HTR3E: variants seen among roughly 807,000 people sequenced by gnomAD.
HTR3E encodes the protein 5-hydroxytryptamine (serotonin) receptor 3, family member E.
A neutral mutation model predicts 38.0 loss-of-function variants in HTR3E; 38 were observed. The observed-to-expected ratio is 1.00, with a 90% confidence interval of 0.77 to 1.31. The LOEUF (loss-of-function observed/expected upper bound fraction) is 1.31. Among genes scored for constraint, HTR3E ranks in the 50% most tolerant of loss-of-function variants. The pLI is 0.00. For synonymous variants in HTR3E, 210 were observed against 232.9 expected (o/e 0.90, Z 0.89); for missense variants, 547 against 585.2 (o/e 0.93, Z 0.67).
At chr3:184,098,728 A>T (rs1414943003) in intron 1 of HTR3E, among the ~76,000 whole-genome samples, 3 of 152,196 alleles carry the variant, frequency 2.0e-5, no homozygotes, top group African/African-American at 7.2e-5. Flanking sequence ...TGACTAGAAA[A>T]TTTAAAAATT....
chr3:184,104,981 A>G, intron 5 of HTR3E, 25 bp downstream of exon 5: 2 of 1,589,872 alleles, frequency 1.3e-6, no homozygotes, highest in South Asian at 1.1e-5. Context: ...GGTCTCAGGG[A>G]TGGGGTGAAT....
chr3:184,106,792 A>G lies in HTR3E; in HGVS notation c.*99A>G. The G allele has an allele frequency of 8.5e-7, 1 of 1,171,136 alleles. No homozygotes were observed. The highest frequency in any genetic ancestry group is 1.2e-6 in the Non-Finnish European group (1 of 807,658). 72.5% of individuals were successfully genotyped at this position (1,171,136 alleles called of 1,614,324 possible). On this transcript the variant is annotated 3_prime_UTR_variant, in exon 9 of 9. Transcript: ENST00000415389. The surrounding 1 kb of genome is among the most constrained non-coding windows in gnomAD (Gnocchi z 4.1). ...CTGAGTACCAACTATCATATCCCCA[A>G]AGATGACTGAGTCTCTGCTGTATTC...
intron 3 of HTR3E, among the ~76,000 whole-genome samples, chr3:184,101,980 ACT>A (rs1354692887): frequency 6.6e-6 from 1 of 152,270 alleles, no homozygotes; most frequent in East Asian, 1.9e-4. Context: ...ACAGAGTGAG[ACT>A]CTATCTCAAA....
intron 2 of HTR3E, 103 bp from the exon 3 acceptor site, chr3:184,101,382 C>G (rs1560094465): frequency 1.1e-6 from 1 of 933,470 alleles, no homozygotes; most frequent in East Asian, 2.4e-5. Context: ...ATCACATATC[C>G]CCTTTATATA....
At chr3:184,105,213 A>G in intron 5 of HTR3E, 54 bp from the exon 6 acceptor site, 1 of 1,535,674 alleles carries the variant, frequency 6.5e-7, no homozygotes, top group South Asian at 1.3e-5. Context: ...AGTGCAGTTG[A>G]GCCACCAGGA....
rs1279651817 is a variant in HTR3E at position 184,106,562 on chromosome 3, G to A, written c.1240G>A (p.Glu414Lys). The change falls in exon 9 of 9, where the codon GAG becomes AAG. Residue 414 changes from glutamate (E) to lysine (K), a missense_variant. Glu to Lys is a moderately conservative substitution (Grantham distance 56). Transcript: ENST00000415389. This position sits in a 1 kb window ranked among gnomAD's most constrained non-coding sequence, Gnocchi z 4.1. The stretch of plus-strand genomic sequence containing the variant: ...ATGGACAAGGGCCCAGCGGGAACAC[G>A]AGGCCCAGAAGCAGCACTCAGTGGA... Reference protein sequence around the residue: ...SEWTRAQREHEAQKQHSVELW... With the variant: ...SEWTRAQREHKAQKQHSVELW... The A allele has an allele frequency of 5.0e-6, 8 of 1,614,156 alleles. No individual in the cohort carries two copies. The highest frequency in any genetic ancestry group is 3.3e-5 in the South Asian group (3 of 91,082).
Position 184,105,412 on chromosome 3 carries a change from T to A in HTR3E, c.705T>A (p.Asp235Glu). The A allele has an allele frequency of 6.2e-7, 1 of 1,612,112 alleles. No individual in the cohort carries two copies. The highest frequency in any genetic ancestry group is 2.2e-5 in the East Asian group (1 of 44,872). The part of the protein sequence containing the change: ...AKLSRGGNLY[D>E]QIVFYVAIRR... ...TGTCCAGGGGAGGCAACCTGTATGA[T>A]CAGATCGTGTTCTATGTGAGCTTGG... The change falls in exon 6 of 9, where the codon GAT (aspartate) becomes GAA (glutamate). Residue 235 changes from aspartate (D) to glutamate (E), a missense_variant. Asp to Glu is a conservative substitution (Grantham distance 45). Coordinates refer to ENST00000415389, the MANE Select transcript of HTR3E (RefSeq NM_001256613.2).
At position 184,100,537 on chromosome 3, in the gene HTR3E, G is replaced by A. The variant is rs769371309; in HGVS notation, c.120G>A (p.Ala40=). ...GCTCAGGGTTTGGCCAGCACGGGGC[G>A]GATCCCACTGCTCTGAATTCAGTGT... ...INCSGFGQHG[A]DPTALNSVFN... The change falls in exon 2 of 9, where the codon GCG becomes GCA. Residue 40 remains alanine, a synonymous_variant. Transcript: ENST00000415389. 4 of 1,614,110 alleles carry A rather than the reference G, an allele frequency of 2.5e-6. No individual in the cohort carries two copies. The highest frequency in any genetic ancestry group is 3.4e-6 in the Non-Finnish European group (4 of 1,180,028).
Position 184,104,295 on chromosome 3 carries a change from C to A in HTR3E, c.389+4C>A, listed in dbSNP as rs958873047. The stretch of plus-strand genomic sequence containing the variant: ...CAGACATTTTCATCATTGAACTGTG[C>A]GTATCAAGGGCTGGTCAGAGGGAAG... On this transcript the variant is annotated splice_donor_region_variant and intron_variant, in intron 4 of 8. Transcript: ENST00000415389. 6.2e-7 allele frequency: 1 copy of A among 1,606,606 alleles called. No homozygotes were observed. Among genetic ancestry groups the A allele is most frequent in the African/African-American group, 1.3e-5 (1 of 74,672 alleles).
chr3:184,097,552 G>C lies in HTR3E; in HGVS notation c.23G>C (p.Arg8Thr), dbSNP rs1306585093. 1.3e-6 allele frequency: 2 copies of C among 1,535,972 alleles called. No individual in the cohort carries two copies. Among genetic ancestry groups the C allele is most frequent in the Admixed American group, 3.9e-5 (2 of 50,984 alleles). Reference protein sequence around the residue: MEGSWFHRKRFSFYLLLG... With the variant: MEGSWFHTKRFSFYLLLG... Reference sequence around the variant, plus strand: ...AAGATGGAAGGAAGCTGGTTCCACAGGAAAAGATTTTCCTTCTACCTCCTT... The same window carrying C: ...AAGATGGAAGGAAGCTGGTTCCACACGAAAAGATTTTCCTTCTACCTCCTT... Residue 8 changes from arginine to threonine, a missense_variant, in exon 1 of 9, where the codon AGG (arginine) becomes ACG (threonine). By Grantham distance (71) the Arg-to-Thr change is moderately conservative. Coordinates refer to ENST00000415389, the MANE Select transcript of HTR3E (RefSeq NM_001256613.2).
chr3:184,106,691 T>C lies in HTR3E; in HGVS notation c.1369T>C (p.Ter457GlnextTer35), dbSNP rs1295005234. ...CACCGTCATATGCCTCTGGAACACC[T>C]AGGCAGGTGCTCACCTGCCAACTTC... ...IITVICLWNT[*>Q] The change falls in exon 9 of 9, where the codon TAG becomes CAG. Residue 457 changes from the stop codon to glutamine (Q), a stop_lost. Transcript: ENST00000415389. This position sits in a 1 kb window ranked among gnomAD's most constrained non-coding sequence, Gnocchi z 4.1. 1.9e-6 allele frequency: 3 copies of C among 1,613,826 alleles called. No individual in the cohort carries two copies. Among genetic ancestry groups the C allele is most frequent in the Non-Finnish European group, 2.5e-6 (3 of 1,179,808 alleles).
intron 3 of HTR3E, among the ~76,000 whole-genome samples, chr3:184,103,465 TA>T (rs1450687173): frequency 6.6e-6 from 1 of 151,754 alleles, no homozygotes; most frequent in Non-Finnish European, 1.5e-5. Context: ...CCGTCTCTAC[TA>T]AAAATACAAA....
In HTR3E at chr3:184,106,566, C is replaced by T; in HGVS notation, c.1244C>T (p.Ala415Val). Residue 415 changes from alanine (A) to valine (V), a missense_variant, in exon 9 of 9, where the codon GCC becomes GTC. Physicochemically the swap from Ala to Val is moderately conservative, Grantham distance 64. Transcript: ENST00000415389. The surrounding 1 kb of genome is among the most constrained non-coding windows in gnomAD (Gnocchi z 4.1). ...ACAAGGGCCCAGCGGGAACACGAGG[C>T]CCAGAAGCAGCACTCAGTGGAGCTG... ...EWTRAQREHEAQKQHSVELWL... is the reference protein window; with the variant it reads ...EWTRAQREHEVQKQHSVELWL... The T allele has an allele frequency of 1.9e-6, 3 of 1,614,144 alleles. No homozygotes were observed. Among genetic ancestry groups the T allele is most frequent in the Non-Finnish European group, 1.7e-6 (2 of 1,179,996 alleles).
At position 184,106,901 on chromosome 3, in the gene HTR3E, C is replaced by G. The variant is rs1712500764; in HGVS notation, c.*208C>G. The G allele has an allele frequency of 1.6e-6, 1 of 615,836 alleles. No homozygotes were observed. The highest frequency in any genetic ancestry group is 3.0e-5 in the Admixed American group (1 of 33,634). 38.1% of individuals were successfully genotyped at this position (615,836 alleles called of 1,614,324 possible). On this transcript the variant is annotated 3_prime_UTR_variant, in exon 9 of 9. Coordinates refer to ENST00000415389, the MANE Select transcript of HTR3E (RefSeq NM_001256613.2). The surrounding 1 kb of genome is among the most constrained non-coding windows in gnomAD (Gnocchi z 4.1). ...CTGCATTTTGTTGGCTTCCTTCAGT[C>G]CTACCATATGGTTCTAGGTCCCTCT... is the stretch of plus-strand genomic sequence containing the variant.
Position 184,100,566 on chromosome 3 carries a change from A to G in HTR3E, c.149A>G (p.Asn50Ser). ...CCCACTGCTCTGAATTCAGTGTTTAATAGAAAGCCCTTCCGTCCGGTCACC... is the reference window on the plus strand; with the variant it reads ...CCCACTGCTCTGAATTCAGTGTTTAGTAGAAAGCCCTTCCGTCCGGTCACC... The part of the protein sequence containing the change: ...ADPTALNSVF[N>S]RKPFRPVTNI... The change falls in exon 2 of 9, where the codon AAT becomes AGT. Residue 50 changes from asparagine to serine, a missense_variant. Coordinates refer to ENST00000415389, the MANE Select transcript of HTR3E (RefSeq NM_001256613.2). 1 of 1,614,092 alleles carries G rather than the reference A, an allele frequency of 6.2e-7. No homozygotes were observed.
chr3:184,106,163 G>A lies in HTR3E; in HGVS notation c.961G>A (p.Gly321Ser). Reference sequence around the variant, plus strand: ...CGCCCTGTGCCTGTCCCTGATGGTGGGCAGCCTGCTGGAGACCATCTTCAT... The same window carrying A: ...CGCCCTGTGCCTGTCCCTGATGGTGAGCAGCCTGCTGGAGACCATCTTCAT... ...YFALCLSLMV[G>S]SLLETIFITH... The change falls in exon 8 of 9, where the codon GGC becomes AGC. Residue 321 changes from glycine to serine, a missense_variant. Coordinates refer to ENST00000415389, the MANE Select transcript of HTR3E (RefSeq NM_001256613.2). This position sits in a 1 kb window ranked among gnomAD's most constrained non-coding sequence, Gnocchi z 4.1. The A allele has an allele frequency of 5.0e-6, 8 of 1,612,874 alleles. No homozygotes were observed. Among genetic ancestry groups the A allele is most frequent in the Non-Finnish European group, 5.9e-6 (7 of 1,179,980 alleles).
Position 184,106,562 on chromosome 3 carries a change from G to C in HTR3E, c.1240G>C (p.Glu414Gln). 1 of 1,614,156 alleles carries C rather than the reference G, an allele frequency of 6.2e-7. No individual in the cohort carries two copies. The highest frequency in any genetic ancestry group is 1.1e-5 in the South Asian group (1 of 91,082). ...SEWTRAQREHEAQKQHSVELW... is the reference protein window; with the variant it reads ...SEWTRAQREHQAQKQHSVELW... ...ATGGACAAGGGCCCAGCGGGAACAC[G>C]AGGCCCAGAAGCAGCACTCAGTGGA... The change falls in exon 9 of 9, where the codon GAG (glutamate) becomes CAG (glutamine). Residue 414 changes from glutamate to glutamine, a missense_variant. Physicochemically the swap from Glu to Gln is conservative, Grantham distance 29. Coordinates refer to ENST00000415389, the MANE Select transcript of HTR3E (RefSeq NM_001256613.2). This position sits in a 1 kb window ranked among gnomAD's most constrained non-coding sequence, Gnocchi z 4.1.
At chr3:184,105,629 C>A in intron 6 of HTR3E, 136 bp from the exon 7 acceptor site, 2 of 918,198 alleles carry the variant, frequency 2.2e-6, no homozygotes, top group Non-Finnish European at 3.3e-6. Flanking sequence ...TCTAAAGCTG[C>A]ATTCCCCACA....
At chr3:184,104,736 AAAGAG>A in intron 4 of HTR3E, 46 bp from the exon 5 acceptor site, 1 of 1,368,720 alleles carries the variant, frequency 7.3e-7, no homozygotes, top group Non-Finnish European at 9.8e-7. Flanking sequence ...AAAAAAAAAA[AAAGAG>A]AGAGAGAAAC....
Sources: gnomAD v4.1 joint callset for allele counts (sites outside exome capture counted in the v4.1 genomes callset) on GRCh38, gnomAD v4.1.1 for gene constraint, Gnocchi (gnomAD v3.1) non-coding constraint, MANE v1.5 for transcripts, NCBI Gene and HGNC (gene_info 2026-07-23, HGNC 2026-07-21) for gene names.